Variants in MECOM observed in about 807,000 individuals in gnomAD.
The protein encoded by MECOM is histone-lysine N-methyltransferase MECOM.
Under a neutral mutation model 116.3 loss-of-function variants are expected in MECOM, and 13 were observed. The ratio of observed to expected loss-of-function variants is 0.11; its 90% CI spans 0.07 to 0.18. The LOEUF (loss-of-function observed/expected upper bound fraction) is 0.18, where lower values mean the gene tolerates loss of function less well. Ranked by LOEUF, MECOM falls within the 10% of genes least tolerant of loss-of-function variation. The pLI, the probability that MECOM is intolerant of heterozygous loss-of-function variation, is 1.00. For missense variants in MECOM, 1,299 were observed against 1,509.0 expected, an observed-to-expected ratio of 0.86 and a Z score of 2.31; for synonymous variants, 528 against 535.2, an observed-to-expected ratio of 0.99 and a Z score of 0.19.
At chr3:169,240,666 G>T (rs1474426266) in intron 2 of MECOM, among the ~76,000 whole-genome samples, 1 of 152,054 alleles carries the variant, frequency 6.6e-6, no homozygotes, top group Non-Finnish European at 1.5e-5. Flanking sequence ...GGTCATGAAG[G>T]CTCAAAGAGG....
chr3:169,152,244 A>T (rs531466815), intron 2 of MECOM, among the ~76,000 whole-genome samples: 13 of 152,148 alleles, frequency 8.5e-5, no homozygotes, highest in Admixed American at 3.9e-4. Flanking sequence ...TATTTTTTTT[A>T]AATTATTATT....
chr3:169,633,013 T>G (rs761329530), intron 1 of MECOM, among the ~76,000 whole-genome samples: 1 of 152,192 alleles, frequency 6.6e-6, no homozygotes, highest in Admixed American at 6.5e-5. Flanking sequence ...CTGCTTTCTA[T>G]CCCATGTAAC....
intron 1 of MECOM, among the ~76,000 whole-genome samples, chr3:169,643,592 A>G (rs1449163732): frequency 1.3e-5 from 2 of 152,228 alleles, no homozygotes; most frequent in Non-Finnish European, 2.9e-5. Flanking sequence ...TAAGTTTCAT[A>G]AGAGAGAATT....
In MECOM at chr3:169,086,658, T is replaced by C. The variant is rs1351018512; in HGVS notation, c.3586-1615A>G. 6 of 680,336 alleles carry C rather than the reference T, an allele frequency of 8.8e-6. No homozygotes were observed. In the East Asian group the frequency reaches 1.6e-4, roughly 18 times the overall value. The allele number at this position is 680,336 out of a possible 1,614,324, so 42.1% of individuals were successfully genotyped here. On this transcript the variant is annotated intron_variant, in intron 16 of 16. Transcript: ENST00000651503. ...CTTACATAAAGTGTTTAGCTCAGTG[T>C]GCCTGACTGAGGTAATACATAAATA...
chr3:169,346,045 C>T (rs2149797676), intron 2 of MECOM, among the ~76,000 whole-genome samples: 1 of 152,190 alleles, frequency 6.6e-6, no homozygotes, highest in South Asian at 2.1e-4. Flanking sequence ...CTCCACCTCC[C>T]CCCACTTTTA....
In MECOM at chr3:169,084,955, C is replaced by G. The variant is rs370701880; in HGVS notation, c.3674G>C (p.Arg1225Thr). ...SSSNVWHSMA[R>T]AAAESSAIQS... ...GATAGCACTGGATTCCGCCGCAGCC[C>G]TGGCCATACTGTGCCACACGTTGGA... Residue 1225 changes from arginine (R) to threonine (T), a missense_variant, in exon 17 of 17, where the codon AGG becomes ACG. Arg to Thr is a moderately conservative substitution (Grantham distance 71). Coordinates refer to ENST00000651503, the MANE Select transcript of MECOM (RefSeq NM_004991.4). 2 of 1,614,108 alleles carry G rather than the reference C, an allele frequency of 1.2e-6. No individual in the cohort carries two copies. The highest frequency in any genetic ancestry group is 1.7e-6 in the Non-Finnish European group (2 of 1,180,004).
intron 1 of MECOM, among the ~76,000 whole-genome samples, chr3:169,386,683 T>G (rs907322983): frequency 1.1e-4 from 17 of 152,168 alleles, no homozygotes; most frequent in African/African-American, 4.1e-4. Context: ...ATCATAAATA[T>G]CATGAAAATG....
At chr3:169,160,697 A>G (rs73168000) in intron 2 of MECOM, among the ~76,000 whole-genome samples, 10,771 of 151,740 alleles carry the variant, frequency 0.071, 500 homozygotes, top group South Asian at 0.19. Flanking sequence ...TTGTAAAACA[A>G]AAAAAGGCTG....
At chr3:169,234,780 CT>C (rs1753833323) in intron 2 of MECOM, among the ~76,000 whole-genome samples, 1 of 152,144 alleles carries the variant, frequency 6.6e-6, no homozygotes, top group South Asian at 2.1e-4. Context: ...CCACTAATTG[CT>C]TCTTTTTTTG....
At chr3:169,394,302 A>G (rs994987449) in intron 1 of MECOM, among the ~76,000 whole-genome samples, 10 of 152,204 alleles carry the variant, frequency 6.6e-5, no homozygotes, top group African/African-American at 1.9e-4. Flanking sequence ...AGGACTTACA[A>G]TCTTGTTGGG....
intron 2 of MECOM, among the ~76,000 whole-genome samples, chr3:169,375,487 A>T (rs1250676717): frequency 6.6e-6 from 1 of 152,182 alleles, no homozygotes; most frequent in Non-Finnish European, 1.5e-5. Flanking sequence ...ATAAAAAATG[A>T]TAAAGGGCAT....
intron 2 of MECOM, chr3:169,147,301 C>T (rs1050623351): frequency 5.1e-6 from 5 of 985,578 alleles, no homozygotes; most frequent in Non-Finnish European, 3.6e-6. Context: ...TCCTCCGCAG[C>T]GCCTTCGCGG....
At chr3:169,223,272 TCCC>T (rs1553772334) in intron 2 of MECOM, among the ~76,000 whole-genome samples, 2 of 26,400 alleles carry the variant, frequency 7.6e-5, no homozygotes, top group African/African-American at 9.8e-5. Flanking sequence ...ATGCTATCCC[TCCC>T]CCCTCCCCCC....
chr3:169,499,518 G>A (rs529695794), intron 1 of MECOM, among the ~76,000 whole-genome samples: 1 of 151,002 alleles, frequency 6.6e-6, no homozygotes, highest in South Asian at 2.1e-4. Context: ...CAAAAGAGCA[G>A]ACAAGAAGAA....
chr3:169,459,598 T>G (rs563128224), intron 1 of MECOM, among the ~76,000 whole-genome samples: 1 of 152,240 alleles, frequency 6.6e-6, no homozygotes, highest in Non-Finnish European at 1.5e-5. Context: ...TAGCTAAGAT[T>G]CATTTTAATT....
intron 1 of MECOM, among the ~76,000 whole-genome samples, chr3:169,606,076 T>C (rs910298204): frequency 3.3e-5 from 5 of 152,192 alleles, no homozygotes; most frequent in African/African-American, 9.7e-5. Flanking sequence ...TGCCTTATGG[T>C]TAATATTTAA....
At chr3:169,324,088 T>C (rs1441626156) in intron 2 of MECOM, among the ~76,000 whole-genome samples, 1 of 152,186 alleles carries the variant, frequency 6.6e-6, no homozygotes, top group Non-Finnish European at 1.5e-5. Flanking sequence ...CTTCCTGAGT[T>C]ATACAAGAAG....
chr3:169,207,624 C>T (rs1165811839), intron 2 of MECOM, among the ~76,000 whole-genome samples: 2 of 151,738 alleles, frequency 1.3e-5, no homozygotes, highest in African/African-American at 4.8e-5. Context: ...GTGTGGATTA[C>T]TTATGGAGAC....
chr3:169,384,906 C>A (rs1733053443), intron 1 of MECOM, among the ~76,000 whole-genome samples: 1 of 151,976 alleles, frequency 6.6e-6, no homozygotes, highest in African/African-American at 2.4e-5. Flanking sequence ...CGTTCGAGAC[C>A]AGCCTGGGCA....
Sources: allele counts gnomAD v4.1 joint callset (sites outside exome capture counted in the v4.1 genomes callset), GRCh38; gene constraint gnomAD v4.1.1; transcripts MANE v1.5; gene names NCBI Gene and HGNC (gene_info 2026-07-23, HGNC 2026-07-21).